MYH11: variants seen among roughly 807,000 people sequenced by gnomAD.
MYH11 encodes myosin heavy chain 11.
Under a neutral mutation model 246.6 loss-of-function variants are expected in MYH11, and 80 were observed. That is an observed-to-expected ratio of 0.32 (90% CI 0.27 to 0.39). MYH11 has a LOEUF of 0.39. Among genes scored for constraint, MYH11 ranks in the 10% least tolerant of loss-of-function variants. The pLI, the probability that MYH11 is intolerant of heterozygous loss-of-function variation, is 1.00. For synonymous variants in MYH11, 1,071 were observed against 1,015.5 expected, an observed-to-expected ratio of 1.05 and a Z score of -1.04; for missense variants, 2,158 against 2,546.8, an observed-to-expected ratio of 0.85 and a Z score of 3.29.
At chr16:15,770,540 C>G (rs191740580) in intron 9 of MYH11, among the ~76,000 whole-genome samples, 1 of 152,246 alleles carries the variant, frequency 6.6e-6, no homozygotes, top group Admixed American at 6.5e-5. Context: ...TGATTTTGAT[C>G]AATATCAATT....
rs377366610 is a variant in MYH11, at chr16:15,738,429, C to G, written c.3121+136G>C. ...TCAGGAGGCTGAGGCAGGAGGATCA[C>G]TGGAGCTTAGGAGTTTCGGGCTGCA... is the stretch of plus-strand genomic sequence containing the variant. On this transcript the variant is annotated intron_variant, in intron 24 of 40. Transcript: ENST00000300036. 7 of 779,782 alleles carry G rather than the reference C, an allele frequency of 9.0e-6. No individual in the cohort carries two copies. The African/African-American group carries it at 1.2e-4, about 14-fold the overall frequency. The allele number at this position is 779,782 out of a possible 1,614,324, so 48.3% of individuals were successfully genotyped here.
At chr16:15,854,020 GA>G (rs1404595568) in intron 1 of MYH11, among the ~76,000 whole-genome samples, 6 of 152,162 alleles carry the variant, frequency 3.9e-5, no homozygotes, top group African/African-American at 1.4e-4. Flanking sequence ...GACAGAGCAA[GA>G]CTCTGTCTCA....
chr16:15,746,505 C>T (rs1304961502), intron 19 of MYH11, among the ~76,000 whole-genome samples: 1 of 152,072 alleles, frequency 6.6e-6, no homozygotes, highest in Non-Finnish European at 1.5e-5. Flanking sequence ...CTGGCCTTGA[C>T]CATCTTGGGT....
At chr16:15,739,104 CTT>C (rs764928194) in intron 23 of MYH11, among the ~76,000 whole-genome samples, 6 of 144,870 alleles carry the variant, frequency 4.1e-5, no homozygotes, top group Non-Finnish European at 4.6e-5. Flanking sequence ...CTGCTGTATT[CTT>C]TTTTTTTTTT....
intron 3 of MYH11, among the ~76,000 whole-genome samples, chr16:15,804,540 T>TA (rs201852189): frequency 6.6e-6 from 1 of 151,894 alleles, no homozygotes; most frequent in East Asian, 1.9e-4. Context: ...GTAATAAAGA[T>TA]AAAAAAATAA....
At chr16:15,718,011 A>C in intron 37 of MYH11, 1 of 475,236 alleles carries the variant, frequency 2.1e-6, no homozygotes, top group Non-Finnish European at 3.9e-6. Context: ...AGCTTCAGCT[A>C]GGGGAAAACG....
At chr16:15,822,522 CAAAACAAAACA>C (rs1321340315) in intron 3 of MYH11, among the ~76,000 whole-genome samples, 1 of 151,946 alleles carries the variant, frequency 6.6e-6, no homozygotes, top group Non-Finnish European at 1.5e-5. Context: ...AAAAACAAAA[CAAAACAAAACA>C]AAAACAAAAC....
In MYH11 at chr16:15,760,570, A is replaced by G; in HGVS notation, c.1218T>C (p.Asp406=). 6.2e-7 allele frequency: 1 copy of G among 1,613,970 alleles called. No individual in the cohort carries two copies. Residue 406 remains aspartate, a synonymous_variant, in exon 11 of 41, where the codon GAT becomes GAC. Coordinates refer to ENST00000300036, the MANE Select transcript of MYH11 (RefSeq NM_002474.3). ...ILTPRIKVGR[D]VVQKAQTKEQ... ...CTTTTGTCTGAGCTTTCTGTACCAC[A>G]TCTCGCCCAACCTTGATACGAGGAG... is the stretch of plus-strand genomic sequence containing the variant.
chr16:15,728,935 G>A (rs1002450971), intron 27 of MYH11, among the ~76,000 whole-genome samples: 1 of 152,066 alleles, frequency 6.6e-6, no homozygotes, highest in Non-Finnish European at 1.5e-5. Flanking sequence ...GTAGGACGCG[G>A]TGAGGGGCTT....
At position 15,828,871 on chromosome 16, in the gene MYH11, G is replaced by T. The variant is rs1457343676; in HGVS notation, c.346-5460C>A. Among the ~76,000 whole-genome samples the T allele has an allele frequency of 4.0e-5, 6 of 150,866 alleles. No individual in the cohort carries two copies. The East Asian group carries it at 1.2e-3, about 29-fold the overall frequency. On this transcript the variant is annotated intron_variant, in intron 2 of 40. Transcript: ENST00000300036. Reference sequence around the variant, plus strand: ...GAGATGAGAGATAGAGAAAAGAAAAGAATAAAAGGAATTTTTAAAAAGAAG... The same window carrying T: ...GAGATGAGAGATAGAGAAAAGAAAATAATAAAAGGAATTTTTAAAAAGAAG...
chr16:15,772,034 TGCCTTCA>T lies in MYH11; in HGVS notation c.890-329_890-323del, dbSNP rs527757130. On this transcript the variant is annotated intron_variant, in intron 8 of 40. Transcript: ENST00000300036. ...TTACCTCAATTGTCTAGAGGCACCC[TGCCTTCA>T]GCCTTCAGAGACAAAGCTGTCAGAA... 2.5e-3 allele frequency among the ~76,000 whole-genome samples: 376 copies of T among 151,026 alleles called. 3 individuals are homozygous for T. Among genetic ancestry groups the T allele is most frequent in the African/African-American group, 8.7e-3 (357 of 41,246 alleles).
rs547609352 is a variant in MYH11 at position 15,770,101 on chromosome 16, C to T, written c.1033+1468G>A. Among the ~76,000 whole-genome samples, 22 of 152,314 alleles carry T rather than the reference C, an allele frequency of 1.4e-4. No homozygotes were observed. The South Asian group carries it at 4.6e-3, about 32-fold the overall frequency. On this transcript the variant is annotated intron_variant, in intron 9 of 40. Coordinates refer to ENST00000300036, the MANE Select transcript of MYH11 (RefSeq NM_002474.3). ...TTTAAAAGCAAGATTAGAAGCAAAACTGACCCCTGTCCCAAATGAAATGAA... is the reference window on the plus strand; with the variant it reads ...TTTAAAAGCAAGATTAGAAGCAAAATTGACCCCTGTCCCAAATGAAATGAA...
At chr16:15,710,470 G>A (rs573537457) in intron 40 of MYH11, among the ~76,000 whole-genome samples, 46 of 152,182 alleles carry the variant, frequency 3.0e-4, no homozygotes, top group Admixed American at 8.5e-4. Context: ...GCAGTGAGCC[G>A]AGATCGCGCC....
chr16:15,826,833 A>C (rs762251754), intron 2 of MYH11, among the ~76,000 whole-genome samples: 22 of 151,648 alleles, frequency 1.5e-4, no homozygotes, highest in Non-Finnish European at 2.9e-4. Flanking sequence ...TTCTACCAAA[A>C]ATACAAAAAA....
At chr16:15,778,062 C>T (rs1345954555) in intron 7 of MYH11, among the ~76,000 whole-genome samples, 1 of 152,156 alleles carries the variant, frequency 6.6e-6, no homozygotes, top group African/African-American at 2.4e-5. Flanking sequence ...ACGTGTTCCA[C>T]AGGAAGCCTG....
intron 13 of MYH11, 91 bp downstream of exon 13, chr16:15,757,736 A>G (rs2041766348): frequency 2.6e-6 from 4 of 1,520,452 alleles, no homozygotes; most frequent in Non-Finnish European, 1.8e-6. Flanking sequence ...TGCTATGTGC[A>G]TGGGGAGAGT....
chr16:15,714,102 G>GGA (rs1567681961), intron 40 of MYH11: 2 of 152,448 alleles, frequency 1.3e-5, no homozygotes, highest in African/African-American at 4.8e-5. Flanking sequence ...TTGAAATCAT[G>GGA]GAGAACTGTG....
At chr16:15,833,305 G>C (rs1185857484) in intron 2 of MYH11, among the ~76,000 whole-genome samples, 1 of 136,616 alleles carries the variant, frequency 7.3e-6, no homozygotes, top group Non-Finnish European at 1.6e-5. Context: ...TCAAAAGAAA[G>C]AAAAAGAAAA....
intron 40 of MYH11, among the ~76,000 whole-genome samples, chr16:15,707,125 G>A (rs987303922): frequency 7.0e-4 from 107 of 152,054 alleles, no homozygotes; most frequent in Admixed American, 4.6e-4. Flanking sequence ...TGCAGCCTCT[G>A]CCTCCCAGGT....
Sources: gnomAD v4.1 joint callset for allele counts (sites outside exome capture counted in the v4.1 genomes callset) on GRCh38, gnomAD v4.1.1 for gene constraint, MANE v1.5 for transcripts, NCBI Gene and HGNC (gene_info 2026-07-23, HGNC 2026-07-21) for gene names.